The following EEA1 variants were observed in gnomAD, a reference collection of about 807,000 sequenced individuals.
EEA1 encodes early endosome antigen 1.
Under a neutral mutation model 209.2 loss-of-function variants are expected in EEA1, and 111 were observed. The ratio of observed to expected loss-of-function variants is 0.53; its 90% CI spans 0.45 to 0.62. The LOEUF (loss-of-function observed/expected upper bound fraction) is 0.62, where lower values mean the gene tolerates loss of function less well. EEA1 is among the 20% of genes least tolerant of loss of function. EEA1 has a pLI of 0.00. For synonymous variants in EEA1, 536 were observed against 540.6 expected, an observed-to-expected ratio of 0.99 and a Z score of 0.12; for missense variants, 1,343 against 1,530.8, an observed-to-expected ratio of 0.88 and a Z score of 2.05.
At chr12:92,814,597 G>T (rs1416483912) in intron 15 of EEA1, among the ~76,000 whole-genome samples, 2 of 149,900 alleles carry the variant, frequency 1.3e-5, no homozygotes, top group Non-Finnish European at 3.0e-5. Flanking sequence ...AAAGGCTTCT[G>T]ATGGGGGGCG....
intron 3 of EEA1, among the ~76,000 whole-genome samples, chr12:92,860,836 A>G (rs1012627559): frequency 1.1e-4 from 16 of 152,038 alleles, no homozygotes; most frequent in Non-Finnish European, 1.0e-4. Flanking sequence ...CTGGTTCTCA[A>G]TTCCAACAGT....
intron 23 of EEA1, 88 bp downstream of exon 23, chr12:92,781,862 G>A: frequency 1.7e-6 from 2 of 1,210,808 alleles, no homozygotes; most frequent in Non-Finnish European, 2.3e-6. Flanking sequence ...TAAGGATGAT[G>A]CCTGTACTAA....
At chr12:92,801,894 C>A (rs982720278) in intron 19 of EEA1, among the ~76,000 whole-genome samples, 193 bp from the exon 20 acceptor site, 1 of 151,632 alleles carries the variant, frequency 6.6e-6, no homozygotes, top group Non-Finnish European at 1.5e-5. Flanking sequence ...GACAACAAAA[C>A]ACTAAGGGTT....
chr12:92,824,265 T>A (rs1876192487), intron 13 of EEA1, among the ~76,000 whole-genome samples: 1 of 152,194 alleles, frequency 6.6e-6, no homozygotes, highest in Admixed American at 6.5e-5. Flanking sequence ...ACCACTCTAA[T>A]CCAAGCTACA....
rs1287838320 is a variant in EEA1, at chr12:92,802,695, T to G, written c.2379A>C (p.Glu793Asp). ...STRLDLQKKS[E>D]ALESIKQKLT... ...GCTTTTGCTTGATACTTTCAAGGGC[T>G]TCAGATTTTTTCTGTAGATCCAATC... The change falls in exon 19 of 29, where the codon GAA becomes GAC. Residue 793 changes from glutamate to aspartate, a missense_variant. Coordinates refer to ENST00000322349, the MANE Select transcript of EEA1 (RefSeq NM_003566.4). 1 of 1,597,994 alleles carries G rather than the reference T, an allele frequency of 6.3e-7. No homozygotes were observed. The highest frequency in any genetic ancestry group is 8.5e-7 in the Non-Finnish European group (1 of 1,176,026).
intron 1 of EEA1, among the ~76,000 whole-genome samples, chr12:92,913,643 C>G (rs1453039410): frequency 6.6e-6 from 1 of 151,976 alleles, no homozygotes; most frequent in Non-Finnish European, 1.5e-5. Context: ...AGGGTTTTTA[C>G]TTCCAGGTTT....
chr12:92,781,965 G>A lies in EEA1; in HGVS notation c.3321C>T (p.Asp1107=), dbSNP rs577013047. Reference sequence around the variant, plus strand: ...CATGCAATACCTTTTCTTTCTGAATGTCTTGTAGTGCTTTACATCGCTCCT... The same window carrying A: ...CATGCAATACCTTTTCTTTCTGAATATCTTGTAGTGCTTTACATCGCTCCT... ...QLQERCKALQ[D]IQKEKSLKEK... is the part of the protein sequence containing the mutation. Residue 1107 remains aspartate, a synonymous_variant, in exon 23 of 29, where the codon GAC becomes GAT. Coordinates refer to ENST00000322349, the MANE Select transcript of EEA1 (RefSeq NM_003566.4). The A allele has an allele frequency of 1.2e-5, 19 of 1,610,570 alleles. No individual in the cohort carries two copies. In the African/African-American group the frequency reaches 2.5e-4, roughly 21 times the overall value.
At chr12:92,926,601 C>T (rs574711056) in intron 1 of EEA1, among the ~76,000 whole-genome samples, 1 of 152,282 alleles carries the variant, frequency 6.6e-6, no homozygotes, top group South Asian at 2.1e-4. Context: ...AAAAGCTGAA[C>T]TCCTTCAAAG....
chr12:92,902,575 T>G (rs1422400114), intron 1 of EEA1, among the ~76,000 whole-genome samples: 1 of 152,084 alleles, frequency 6.6e-6, no homozygotes, highest in Non-Finnish European at 1.5e-5. Context: ...ACCCCGTCTC[T>G]ACTAAAAACA....
chr12:92,896,969 A>G (rs1309437388), intron 1 of EEA1, among the ~76,000 whole-genome samples: 2 of 151,870 alleles, frequency 1.3e-5, no homozygotes, highest in East Asian at 1.9e-4. Context: ...GAGGCTAGGC[A>G]TTTGAGACCA....
At chr12:92,909,285 T>C (rs536016880) in intron 1 of EEA1, among the ~76,000 whole-genome samples, 2 of 152,154 alleles carry the variant, frequency 1.3e-5, no homozygotes, top group Non-Finnish European at 2.9e-5. Flanking sequence ...ATTTACAAGA[T>C]AAATCTGAAA....
At chr12:92,879,493 T>C (rs1369277593) in intron 2 of EEA1, 2 of 267,758 alleles carry the variant, frequency 7.5e-6, no homozygotes, top group South Asian at 3.3e-5. Context: ...ATCATCTCAA[T>C]AGATGTGGGA....
chr12:92,896,094 C>T (rs988330217), intron 1 of EEA1, among the ~76,000 whole-genome samples: 4 of 152,022 alleles, frequency 2.6e-5, no homozygotes, highest in Non-Finnish European at 5.9e-5. Flanking sequence ...CTGCCTCAGC[C>T]TCCCGAGTAG....
chr12:92,913,068 A>T (rs1191605746), intron 1 of EEA1, among the ~76,000 whole-genome samples: 3 of 152,190 alleles, frequency 2.0e-5, no homozygotes, highest in Non-Finnish European at 4.4e-5. Context: ...CAGTACTGGG[A>T]CTGCTGGATT....
At chr12:92,880,900 G>A (rs535591735) in intron 2 of EEA1, among the ~76,000 whole-genome samples, 2 of 152,280 alleles carry the variant, frequency 1.3e-5, no homozygotes, top group African/African-American at 4.8e-5. Context: ...AGAAGACTCT[G>A]AAAGATACAG....
intron 2 of EEA1, among the ~76,000 whole-genome samples, chr12:92,885,139 A>G (rs1879325164): frequency 6.6e-6 from 1 of 152,066 alleles, no homozygotes; most frequent in Admixed American, 6.6e-5. Flanking sequence ...CTGGTCAACA[A>G]TAGGCTATTA....
chr12:92,897,807 C>T (rs1879954245), intron 1 of EEA1, among the ~76,000 whole-genome samples: 1 of 152,132 alleles, frequency 6.6e-6, no homozygotes, highest in Admixed American at 6.5e-5. Context: ...CAGAGCGAGA[C>T]TCTGTCTCAT....
At chr12:92,776,190 T>A (rs1226830383) in intron 28 of EEA1, 57 bp from the exon 29 acceptor site, 1 of 1,499,972 alleles carries the variant, frequency 6.7e-7, no homozygotes. Context: ...AAAAGTATTA[T>A]GAAACTACAT....
intron 2 of EEA1, among the ~76,000 whole-genome samples, chr12:92,876,271 C>A (rs1040356781): frequency 2.0e-5 from 3 of 151,660 alleles, no homozygotes; most frequent in African/African-American, 7.3e-5. Flanking sequence ...GAGATGGCAT[C>A]TCCCTATGTT....
Sources: allele counts gnomAD v4.1 joint callset (sites outside exome capture counted in the v4.1 genomes callset), GRCh38; gene constraint gnomAD v4.1.1; transcripts MANE v1.5; gene names NCBI Gene and HGNC (gene_info 2026-07-23, HGNC 2026-07-21).